The following ARHGAP15 variants were observed in gnomAD, a reference collection of about 807,000 sequenced individuals.
ARHGAP15 encodes the protein rho GTPase-activating protein 15.
In ARHGAP15, 51 loss-of-function variants were observed where a neutral mutation model predicts 63.7. The observed-to-expected ratio is 0.80, with a 90% CI of 0.64 to 1.01. The LOEUF is 1.01. ARHGAP15 is among the 50% of genes least tolerant of loss of function. The pLI is 0.00. For missense variants in ARHGAP15, 560 were observed against 564.6 expected (o/e 0.99, Z 0.08); for synonymous variants, 191 against 193.8 (o/e 0.99, Z 0.12).
At position 143,755,401 on chromosome 2, in the gene ARHGAP15, T is replaced by C. The variant is rs138486244; in HGVS notation, c.1245-12588T>C. ...TGCAGTACATGTAAATGCATTACTG[T>C]TTTGAAGCAGTCTTTTCTATTTTTA... On this transcript the variant is annotated intron_variant, in intron 13 of 13. Coordinates refer to ENST00000295095, the MANE Select transcript of ARHGAP15 (RefSeq NM_018460.4). Among the ~76,000 whole-genome samples, 652 of 152,282 alleles carry C rather than the reference T, an allele frequency of 4.3e-3. 2 individuals carry two copies. The highest frequency in any genetic ancestry group is 7.0e-3 in the Non-Finnish European group (476 of 68,028).
intron 11 of ARHGAP15, among the ~76,000 whole-genome samples, chr2:143,591,783 C>A (rs1156991540): frequency 2.6e-5 from 4 of 151,958 alleles, no homozygotes; most frequent in Admixed American, 6.6e-5. Context: ...CCATGCCTGG[C>A]TAATTTTTGT....
At chr2:143,666,177 G>A (rs1682167660) in intron 12 of ARHGAP15, among the ~76,000 whole-genome samples, 1 of 151,168 alleles carries the variant, frequency 6.6e-6, no homozygotes, top group South Asian at 2.1e-4. Flanking sequence ...TATACTACAA[G>A]ACTACAGTAA....
At chr2:143,243,169 A>G (rs915517490) in intron 5 of ARHGAP15, among the ~76,000 whole-genome samples, 1 of 152,200 alleles carries the variant, frequency 6.6e-6, no homozygotes, top group Non-Finnish European at 1.5e-5. Flanking sequence ...TTCTTAATAT[A>G]CATTAAAAGA....
In ARHGAP15 at chr2:143,447,129, T is replaced by G. The variant is rs915490382; in HGVS notation, c.703+10087T>G. ...TTATAGCAGCATGATTTATAGTCCT[T>G]TGGGTATATACCCAGTAATGGGCTG... On this transcript the variant is annotated intron_variant, in intron 8 of 13. Coordinates refer to ENST00000295095, the MANE Select transcript of ARHGAP15 (RefSeq NM_018460.4). Among the ~76,000 whole-genome samples, 3 of 152,124 alleles carry G rather than the reference T, an allele frequency of 2.0e-5. No individual in the cohort carries two copies. The East Asian group carries it at 5.8e-4, about 29-fold the overall frequency.
At chr2:143,666,731 C>G (rs1161296841) in intron 12 of ARHGAP15, among the ~76,000 whole-genome samples, 1 of 135,366 alleles carries the variant, frequency 7.4e-6, no homozygotes, top group East Asian at 2.1e-4. Context: ...AAGAAAAAAA[C>G]AAACAACCCC....
At chr2:143,373,660 A>C (rs555811565) in intron 6 of ARHGAP15, among the ~76,000 whole-genome samples, 86 of 136,356 alleles carry the variant, frequency 6.3e-4, no homozygotes, top group African/African-American at 2.1e-3. Context: ...AAAAAAAAAA[A>C]CACAGAAATG....
At chr2:143,426,982 G>C (rs1451369821) in intron 6 of ARHGAP15, among the ~76,000 whole-genome samples, 1 of 152,116 alleles carries the variant, frequency 6.6e-6, no homozygotes, top group Admixed American at 6.6e-5. Flanking sequence ...TCAAGTTGCT[G>C]TTTTTTACTT....
At chr2:143,273,367 TATG>T (rs1681392009) in intron 6 of ARHGAP15, among the ~76,000 whole-genome samples, 1 of 152,172 alleles carries the variant, frequency 6.6e-6, no homozygotes, top group Admixed American at 6.5e-5. Context: ...CTTCTCAACT[TATG>T]ATGGGCTGAC....
intron 6 of ARHGAP15, among the ~76,000 whole-genome samples, chr2:143,323,597 T>C (rs1684117934): frequency 6.6e-6 from 1 of 152,110 alleles, no homozygotes; most frequent in South Asian, 2.1e-4. Flanking sequence ...TTATATTTTC[T>C]AATTAAAAAG....
intron 11 of ARHGAP15, among the ~76,000 whole-genome samples, chr2:143,606,483 C>T (rs1698036324): frequency 6.6e-6 from 1 of 152,176 alleles, no homozygotes; most frequent in African/African-American, 2.4e-5. Context: ...CCTAAGTTAT[C>T]TAGCTAATCG....
At chr2:143,400,686 G>C (rs1687952836) in intron 6 of ARHGAP15, among the ~76,000 whole-genome samples, 1 of 151,966 alleles carries the variant, frequency 6.6e-6, no homozygotes, top group Non-Finnish European at 1.5e-5. Flanking sequence ...TGACTGTGCT[G>C]TCTACCTTTA....
intron 12 of ARHGAP15, among the ~76,000 whole-genome samples, chr2:143,679,567 G>A (rs1484964272): frequency 1.3e-5 from 2 of 151,962 alleles, no homozygotes; most frequent in South Asian, 2.1e-4. Flanking sequence ...TGTCTTTCTC[G>A]TAGAAACAGA....
At chr2:143,232,949 CTG>C (rs1693504710) in intron 5 of ARHGAP15, among the ~76,000 whole-genome samples, 1 of 151,948 alleles carries the variant, frequency 6.6e-6, no homozygotes, top group Non-Finnish European at 1.5e-5. Flanking sequence ...TGTTTCTGCT[CTG>C]TTAGTATAGT....
Position 143,413,514 on chromosome 2 carries a change from T to C in ARHGAP15, c.475-22087T>C, listed in dbSNP as rs183702814. On this transcript the variant is annotated intron_variant, in intron 6 of 13. Coordinates refer to ENST00000295095, the MANE Select transcript of ARHGAP15 (RefSeq NM_018460.4). ...AATTTTTATTGATTGATTCAGACAG[T>C]CAATCAATAACAGCTGTAATAATAG... is the stretch of plus-strand genomic sequence containing the variant. Among the ~76,000 whole-genome samples the C allele has an allele frequency of 4.0e-3, 597 of 150,750 alleles. 6 individuals are homozygous for C. Among genetic ancestry groups the C allele is most frequent in the African/African-American group, 0.014 (569 of 41,422 alleles).
At chr2:143,155,390 C>T in intron 1 of ARHGAP15, 87 bp from the exon 2 acceptor site, 1 of 1,215,868 alleles carries the variant, frequency 8.2e-7, no homozygotes, top group Non-Finnish European at 1.1e-6. Context: ...CTTTTAATAT[C>T]CTAATGATTA....
intron 1 of ARHGAP15, among the ~76,000 whole-genome samples, chr2:143,136,630 A>T (rs1479098102): frequency 6.6e-6 from 1 of 151,998 alleles, no homozygotes; most frequent in African/African-American, 2.4e-5. Context: ...CTTTGAGGGC[A>T]TGAAAACCGT....
chr2:143,661,716 C>A (rs1363298871), intron 12 of ARHGAP15, among the ~76,000 whole-genome samples: 1 of 152,190 alleles, frequency 6.6e-6, no homozygotes, highest in Non-Finnish European at 1.5e-5. Flanking sequence ...AGTGGGTGCG[C>A]ACACCGTGCG....
chr2:143,486,408 C>CAAAAAAAAAAAAAAAAAAA (rs35904219), intron 8 of ARHGAP15, among the ~76,000 whole-genome samples: 1 of 133,336 alleles, frequency 7.5e-6, no homozygotes, highest in Non-Finnish European at 1.6e-5. Flanking sequence ...CCATTTCTAC[C>CAAAAAAAAAAAAAAAAAAA]AAAAAAAAAA....
intron 6 of ARHGAP15, among the ~76,000 whole-genome samples, chr2:143,271,686 C>T (rs74963716): frequency 0.049 from 7,444 of 152,296 alleles, 327 homozygotes; most frequent in East Asian, 0.22. Context: ...CCATGTTAGT[C>T]GGGATAGTCT....
Sources: gnomAD v4.1 joint callset for allele counts (sites outside exome capture counted in the v4.1 genomes callset) on GRCh38, gnomAD v4.1.1 for gene constraint, MANE v1.5 for transcripts, NCBI Gene and HGNC (gene_info 2026-07-23, HGNC 2026-07-21) for gene names.